The following LRRTM4 variants were observed in gnomAD, a reference collection of about 807,000 sequenced individuals.
The protein encoded by LRRTM4 is leucine rich repeat transmembrane neuronal 4.
Under a neutral mutation model 47.6 loss-of-function variants are expected in LRRTM4, and 25 were observed. That is an observed-to-expected ratio of 0.53 (90% confidence interval 0.38 to 0.73). The LOEUF is 0.73. Ranked by LOEUF, LRRTM4 falls within the 30% of genes least tolerant of loss-of-function variation. The pLI, the probability that LRRTM4 is intolerant of heterozygous loss-of-function variation, is 0.00. For synonymous variants in LRRTM4, 311 were observed against 269.5 expected, an observed-to-expected ratio of 1.15 and a Z score of -1.51; for missense variants, 638 against 713.4, an observed-to-expected ratio of 0.89 and a Z score of 1.20.
chr2:77,078,405 CACA>C (rs1558566718), intron 3 of LRRTM4, among the ~76,000 whole-genome samples: 4 of 149,316 alleles, frequency 2.7e-5, no homozygotes, highest in Admixed American at 2.7e-4. Flanking sequence ...CACACACACA[CACA>C]TGTTCTGGTG....
At chr2:77,071,492 T>C (rs922470744) in intron 3 of LRRTM4, among the ~76,000 whole-genome samples, 6 of 152,130 alleles carry the variant, frequency 3.9e-5, no homozygotes, top group Non-Finnish European at 7.4e-5. Context: ...TTTAAGTGTA[T>C]TGAAATTTAC....
At chr2:77,446,861 G>T (rs997508446) in intron 3 of LRRTM4, among the ~76,000 whole-genome samples, 1 of 152,002 alleles carries the variant, frequency 6.6e-6, no homozygotes, top group African/African-American at 2.4e-5. Flanking sequence ...AATAACTCAG[G>T]CTTTGAGGAC....
rs374891423 is a variant in LRRTM4, at chr2:77,376,184, A to AT, written c.1551+142133dup. Among the ~76,000 whole-genome samples, 144 of 151,852 alleles carry AT rather than the reference A, an allele frequency of 9.5e-4. 1 individual carries two copies. The highest frequency in any genetic ancestry group is 3.3e-3 in the African/African-American group (136 of 41,512). On this transcript the variant is annotated intron_variant, in intron 3 of 3. Coordinates refer to ENST00000409884, the MANE Select transcript of LRRTM4 (RefSeq NM_001134745.3). ...TATAAAGATTTTCTGGTTATGAGAA[A>AT]TTTTCCATTTAACAGTATATCTAAC...
chr2:77,105,597 C>T (rs942482512), intron 3 of LRRTM4, among the ~76,000 whole-genome samples: 4 of 151,798 alleles, frequency 2.6e-5, no homozygotes, highest in Non-Finnish European at 5.9e-5. Context: ...CAACATGGCA[C>T]GTGTATACAT....
rs534709617 is a variant in LRRTM4 at position 76,992,784 on chromosome 2, C to A, written c.1552-243868G>T. ...AATTAGAAAAAACTATTCTAAAATT[C>A]ATATGGAATAAAAATGAACCAAGAT... On this transcript the variant is annotated intron_variant, in intron 3 of 3. Transcript: ENST00000409884. 4.1e-5 allele frequency among the ~76,000 whole-genome samples: 6 copies of A among 145,188 alleles called. No homozygotes were observed. In the East Asian group the frequency reaches 1.2e-3, roughly 30 times the overall value.
chr2:77,163,211 T>G (rs1372822378), intron 3 of LRRTM4, among the ~76,000 whole-genome samples: 1 of 151,764 alleles, frequency 6.6e-6, no homozygotes, highest in Non-Finnish European at 1.5e-5. Context: ...TTCGATCAAG[T>G]GGAAGAAAAG....
At chr2:77,159,385 G>C (rs1393061633) in intron 3 of LRRTM4, among the ~76,000 whole-genome samples, 1 of 152,024 alleles carries the variant, frequency 6.6e-6, no homozygotes, top group African/African-American at 2.4e-5. Context: ...GTTGGGGAGA[G>C]GGAGGAGGGA....
intron 3 of LRRTM4, among the ~76,000 whole-genome samples, chr2:76,788,194 A>G (rs894568304): frequency 1.3e-5 from 2 of 152,162 alleles, no homozygotes; most frequent in African/African-American, 4.8e-5. Flanking sequence ...ATGTGTTAAC[A>G]TATGTAATTG....
chr2:77,064,028 A>G (rs1173684113), intron 3 of LRRTM4, among the ~76,000 whole-genome samples: 1 of 152,206 alleles, frequency 6.6e-6, no homozygotes, highest in African/African-American at 2.4e-5. Flanking sequence ...ATATACTTAC[A>G]GCTTGACTTT....
intron 3 of LRRTM4, among the ~76,000 whole-genome samples, chr2:77,489,674 A>C (rs1678061642): frequency 6.6e-6 from 1 of 152,246 alleles, no homozygotes; most frequent in South Asian, 2.1e-4. Flanking sequence ...GTTCTCTTAC[A>C]ACATGCAAGA....
chr2:77,503,633 G>A (rs1678656375), intron 3 of LRRTM4, among the ~76,000 whole-genome samples: 1 of 151,354 alleles, frequency 6.6e-6, no homozygotes, highest in South Asian at 2.1e-4. Context: ...GAGGGTGAGA[G>A]GGAGAGACAG....
chr2:77,130,568 G>C (rs2103974115), intron 3 of LRRTM4, among the ~76,000 whole-genome samples: 1 of 151,972 alleles, frequency 6.6e-6, no homozygotes, highest in Non-Finnish European at 1.5e-5. Flanking sequence ...CTGGAGTGCA[G>C]TGGCAGAATC....
rs764401905 is a variant in LRRTM4 at position 76,895,657 on chromosome 2, C to T, written c.1552-146741G>A. Among the ~76,000 whole-genome samples, 7 of 152,084 alleles carry T rather than the reference C, an allele frequency of 4.6e-5. No individual in the cohort carries two copies. The Middle Eastern group carries it at 0.01, about 222-fold the overall frequency. On this transcript the variant is annotated intron_variant, in intron 3 of 3. Coordinates refer to ENST00000409884, the MANE Select transcript of LRRTM4 (RefSeq NM_001134745.3). ...TAAATCCAGCAAACTCTTCAGGTTG[C>T]GCAACTAAGACAACAATCTGTGCCT...
intron 3 of LRRTM4, among the ~76,000 whole-genome samples, chr2:76,846,600 G>C (rs1284713339): frequency 6.7e-6 from 1 of 148,790 alleles, no homozygotes; most frequent in Non-Finnish European, 1.5e-5. Context: ...CAGAAATAAA[G>C]AGAAACACTC....
rs550886636 is a variant in LRRTM4, at chr2:77,141,848, A to C, written c.1551+376470T>G. On this transcript the variant is annotated intron_variant, in intron 3 of 3. Coordinates refer to ENST00000409884, the MANE Select transcript of LRRTM4 (RefSeq NM_001134745.3). ...TGTAAGGATATAAGTATCACCAATC[A>C]ACAGTTAAGAAAACAGACACTCACA... 9.2e-5 allele frequency among the ~76,000 whole-genome samples: 14 copies of C among 152,282 alleles called. No individual in the cohort carries two copies. The South Asian group carries it at 2.9e-3, about 32-fold the overall frequency.
At chr2:76,803,885 A>C (rs946032447) in intron 3 of LRRTM4, among the ~76,000 whole-genome samples, 4 of 152,176 alleles carry the variant, frequency 2.6e-5, no homozygotes, top group Admixed American at 2.0e-4. Context: ...CTGAAATTTG[A>C]ATATGTGCTG....
At chr2:77,494,362 T>C (rs1377177751) in intron 3 of LRRTM4, among the ~76,000 whole-genome samples, 2 of 152,092 alleles carry the variant, frequency 1.3e-5, no homozygotes, top group East Asian at 1.9e-4. Context: ...TACCAACTCA[T>C]TGTGATGTTG....
intron 3 of LRRTM4, among the ~76,000 whole-genome samples, chr2:76,838,452 A>G (rs1671580224): frequency 6.6e-6 from 1 of 152,158 alleles, no homozygotes; most frequent in South Asian, 2.1e-4. Flanking sequence ...TGCAGGCTCC[A>G]GCATACTATT....
intron 3 of LRRTM4, among the ~76,000 whole-genome samples, chr2:77,058,879 TA>T (rs1679694678): frequency 6.6e-6 from 1 of 152,186 alleles, no homozygotes. Flanking sequence ...CTTTGAATCT[TA>T]AGACAGTAAG....
Sources: gnomAD v4.1 joint callset for allele counts (sites outside exome capture counted in the v4.1 genomes callset) on GRCh38, gnomAD v4.1.1 for gene constraint, MANE v1.5 for transcripts, NCBI Gene and HGNC (gene_info 2026-07-23, HGNC 2026-07-21) for gene names.